Variants in TACR3 observed in about 807,000 individuals in gnomAD.
The protein encoded by TACR3 is neuromedin-K receptor.
TACR3 carries 34 observed loss-of-function variants against 35.0 expected under a neutral mutation model. That is an observed-to-expected ratio of 0.97 (90% CI 0.74 to 1.30). The LOEUF (loss-of-function observed/expected upper bound fraction) is 1.30. Ranked by LOEUF, TACR3 falls within the 50% of genes most tolerant of loss-of-function variation. The pLI is 0.00. For synonymous variants in TACR3, 233 were observed against 221.1 expected (o/e 1.05, Z -0.48); for missense variants, 558 against 591.7 (o/e 0.94, Z 0.59).
At chr4:103,706,562 T>A (rs1458325013) in intron 1 of TACR3, among the ~76,000 whole-genome samples, 1 of 152,148 alleles carries the variant, frequency 6.6e-6, no homozygotes, top group East Asian at 1.9e-4. Context: ...TAGATATGTA[T>A]GTATATAATG....
chr4:103,679,073 G>T (rs765825827), intron 1 of TACR3, among the ~76,000 whole-genome samples: 17 of 151,890 alleles, frequency 1.1e-4, no homozygotes, highest in Non-Finnish European at 2.1e-4. Flanking sequence ...ATTAATTTAA[G>T]AACATTATTA....
chr4:103,668,116 C>T (rs563672824), intron 1 of TACR3, among the ~76,000 whole-genome samples: 21 of 152,162 alleles, frequency 1.4e-4, no homozygotes, highest in African/African-American at 1.9e-4. Flanking sequence ...CCACACCTGG[C>T]CAGAAGATTA....
chr4:103,615,400 A>T (rs4472140), intron 3 of TACR3, among the ~76,000 whole-genome samples: 8,654 of 39,740 alleles, frequency 0.22, 507 homozygotes, highest in African/African-American at 0.47. Context: ...TGTGTGTGTG[A>T]GAGAGAGAGA....
intron 3 of TACR3, among the ~76,000 whole-genome samples, chr4:103,610,928 G>A (rs778944383): frequency 5.3e-5 from 8 of 152,028 alleles, no homozygotes; most frequent in Non-Finnish European, 1.0e-4. Flanking sequence ...AAAATCAGTC[G>A]GGTGTAAAGT....
At chr4:103,637,200 G>A (rs1725213574) in intron 3 of TACR3, among the ~76,000 whole-genome samples, 1 of 152,096 alleles carries the variant, frequency 6.6e-6, no homozygotes, top group African/African-American at 2.4e-5. Flanking sequence ...TAAAATACTG[G>A]CAAACTGAAT....
chr4:103,628,767 A>C lies in TACR3; in HGVS notation c.888+27427T>G, dbSNP rs558418565. Among the ~76,000 whole-genome samples the C allele has an allele frequency of 1.5e-4, 23 of 152,312 alleles. No individual in the cohort carries two copies. The East Asian group carries it at 1.5e-3, about 10-fold the overall frequency. ...CTTGTGAAACTATTCCAATCAATAG[A>C]AAAAGAGGGAATCCTCCCTAACTCA... is the stretch of plus-strand genomic sequence containing the variant. On this transcript the variant is annotated intron_variant, in intron 3 of 4. Coordinates refer to ENST00000304883, the MANE Select transcript of TACR3 (RefSeq NM_001059.3).
At chr4:103,597,427 G>T (rs960776443) in intron 3 of TACR3, among the ~76,000 whole-genome samples, 1 of 151,988 alleles carries the variant, frequency 6.6e-6, no homozygotes, top group Admixed American at 6.6e-5. Flanking sequence ...CAACAAAACT[G>T]CTTGTTTTGA....
intron 3 of TACR3, among the ~76,000 whole-genome samples, chr4:103,625,209 T>G (rs1410918083): frequency 6.6e-6 from 1 of 151,938 alleles, no homozygotes; most frequent in African/African-American, 2.4e-5. Flanking sequence ...TAAAATCTGG[T>G]TTACATAGGC....
intron 4 of TACR3, among the ~76,000 whole-genome samples, chr4:103,590,291 TAAAG>T (rs1414723426): frequency 3.9e-5 from 6 of 152,190 alleles, no homozygotes; most frequent in Admixed American, 6.6e-5. Flanking sequence ...ATCAATATGT[TAAAG>T]AAACAGTACA....
intron 1 of TACR3, among the ~76,000 whole-genome samples, chr4:103,698,910 C>A (rs948547892): frequency 6.6e-6 from 1 of 151,982 alleles, no homozygotes; most frequent in African/African-American, 2.4e-5. Flanking sequence ...CATGTACCCC[C>A]CATAAATATG....
At position 103,587,737 on chromosome 4, in the gene TACR3, T is replaced by C. The variant is rs1397941666; in HGVS notation, c.*1945A>G. 6.6e-6 allele frequency: 1 copy of C among 152,130 alleles called. No individual in the cohort carries two copies. Among genetic ancestry groups the C allele is most frequent in the Non-Finnish European group, 1.5e-5 (1 of 67,994 alleles). 9.4% of individuals were successfully genotyped at this position (152,130 alleles called of 1,614,324 possible). On this transcript the variant is annotated 3_prime_UTR_variant, in exon 5 of 5. Transcript: ENST00000304883. ...AATAACTTTTTACATATTAGGCTTT[T>C]TCTTGACACTTTAACATTGTATGAT...
chr4:103,681,837 C>A (rs1722097645), intron 1 of TACR3, among the ~76,000 whole-genome samples: 1 of 151,900 alleles, frequency 6.6e-6, no homozygotes, highest in African/African-American at 2.4e-5. Context: ...AGGCATTTAC[C>A]AAGATGACCC....
chr4:103,718,126 A>G (rs922511033), intron 1 of TACR3, among the ~76,000 whole-genome samples: 1 of 152,106 alleles, frequency 6.6e-6, no homozygotes, highest in Non-Finnish European at 1.5e-5. Flanking sequence ...TTTTTTTATT[A>G]TAATGGCAAC....
At chr4:103,715,341 G>T (rs1412692501) in intron 1 of TACR3, among the ~76,000 whole-genome samples, 1 of 152,086 alleles carries the variant, frequency 6.6e-6, no homozygotes, top group Admixed American at 6.6e-5. Context: ...TGGTTGTTCA[G>T]ATGTGTGTAG....
intron 1 of TACR3, among the ~76,000 whole-genome samples, chr4:103,666,612 A>C (rs1244774955): frequency 6.6e-6 from 1 of 152,202 alleles, no homozygotes; most frequent in Non-Finnish European, 1.5e-5. Flanking sequence ...TTTTACTTAA[A>C]TAGTAATTAC....
intron 1 of TACR3, among the ~76,000 whole-genome samples, chr4:103,660,249 G>T (rs1267800546): frequency 6.6e-6 from 1 of 151,902 alleles, no homozygotes; most frequent in African/African-American, 2.4e-5. Context: ...ACAGCCATTA[G>T]GTAAACATGA....
At chr4:103,674,740 TG>T (rs1726129855) in intron 1 of TACR3, among the ~76,000 whole-genome samples, 1 of 152,110 alleles carries the variant, frequency 6.6e-6, no homozygotes, top group African/African-American at 2.4e-5. Context: ...TTAGTAGAGA[TG>T]GGGTTTCACC....
At chr4:103,632,331 A>T (rs972535527) in intron 3 of TACR3, among the ~76,000 whole-genome samples, 9 of 152,126 alleles carry the variant, frequency 5.9e-5, no homozygotes, top group Non-Finnish European at 1.3e-4. Context: ...TGGTACCTAT[A>T]CCTCCTGGAA....
chr4:103,626,496 T>A (rs1724895429), intron 3 of TACR3, among the ~76,000 whole-genome samples: 1 of 152,156 alleles, frequency 6.6e-6, no homozygotes, highest in African/African-American at 2.4e-5. Context: ...TGGGGCAGAA[T>A]GGGAGGCTTG....
Sources: allele counts gnomAD v4.1 joint callset (sites outside exome capture counted in the v4.1 genomes callset), GRCh38; gene constraint gnomAD v4.1.1; transcripts MANE v1.5; gene names NCBI Gene and HGNC (gene_info 2026-07-23, HGNC 2026-07-21).